The following ADAMTSL1 variants were observed in gnomAD, a reference collection of about 807,000 sequenced individuals.
ADAMTSL1 encodes the protein ADAMTS-like protein 1.
ADAMTSL1 carries 126 observed loss-of-function variants against 201.8 expected under a neutral mutation model. The observed-to-expected ratio is 0.62, with a 90% CI of 0.54 to 0.72. The LOEUF is 0.72. Ranked by LOEUF, ADAMTSL1 falls within the 30% of genes least tolerant of loss-of-function variation. The pLI, the probability that ADAMTSL1 is intolerant of heterozygous loss-of-function variation, is 0.00. For missense variants in ADAMTSL1, 2,679 were observed against 2,277.8 expected (o/e 1.18, Z -3.59); for synonymous variants, 1,121 against 903.4 (o/e 1.24, Z -4.32).
Position 18,120,276 on chromosome 9 carries a change from G to A in ADAMTSL1, c.88-43586G>A, listed in dbSNP as rs143667625. Among the ~76,000 whole-genome samples the A allele has an allele frequency of 1.4e-3, 217 of 152,342 alleles. 1 individual carries two copies. Among genetic ancestry groups the A allele is most frequent in the Non-Finnish European group, 2.4e-3 (166 of 68,032 alleles). On this transcript the variant is annotated intron_variant, in intron 1 of 29. Coordinates refer to the ADAMTSL1 transcript ENST00000680146. Reference sequence around the variant, plus strand: ...AACATGGCAGCTGGCTTGGCCCAGAGTGAGTGATTCCAGAGAGCATACAAC... The same window carrying A: ...AACATGGCAGCTGGCTTGGCCCAGAATGAGTGATTCCAGAGAGCATACAAC...
At chr9:17,991,985 T>C (rs1819171432) in intron 1 of ADAMTSL1, among the ~76,000 whole-genome samples, 1 of 152,102 alleles carries the variant, frequency 6.6e-6, no homozygotes, top group Non-Finnish European at 1.5e-5. Context: ...AGGGGCTTGG[T>C]GCTACCTCTT....
chr9:17,983,860 A>C (rs1818818789), intron 1 of ADAMTSL1, among the ~76,000 whole-genome samples: 1 of 152,190 alleles, frequency 6.6e-6, no homozygotes, highest in African/African-American at 2.4e-5. Context: ...TAAAATGTGT[A>C]TAAAAGGGGA....
intron 26 of ADAMTSL1, among the ~76,000 whole-genome samples, chr9:18,903,253 G>A (rs1563905944): frequency 1.3e-5 from 2 of 152,066 alleles, no homozygotes; most frequent in Non-Finnish European, 2.9e-5. Context: ...AAGTAGACTG[G>A]AAAATTCAAT....
chr9:18,741,843 G>A (rs1818847320), intron 15 of ADAMTSL1, among the ~76,000 whole-genome samples: 2 of 152,036 alleles, frequency 1.3e-5, no homozygotes, highest in Non-Finnish European at 2.9e-5. Flanking sequence ...TTCTTGTGTA[G>A]GGTGTTCTTC....
chr9:18,434,993 G>A (rs917440348), intron 2 of ADAMTSL1, among the ~76,000 whole-genome samples: 1 of 152,210 alleles, frequency 6.6e-6, no homozygotes, highest in African/African-American at 2.4e-5. Flanking sequence ...AACACCTGGT[G>A]CAACATCTGG....
At chr9:18,306,506 G>C (rs1686821566) in intron 2 of ADAMTSL1, among the ~76,000 whole-genome samples, 1 of 152,158 alleles carries the variant, frequency 6.6e-6, no homozygotes, top group Non-Finnish European at 1.5e-5. Flanking sequence ...AGAAATGAAT[G>C]ATGGAGCTGA....
intron 7 of ADAMTSL1, among the ~76,000 whole-genome samples, chr9:18,654,616 A>T (rs1828505584): frequency 6.6e-6 from 1 of 152,358 alleles, no homozygotes; most frequent in Middle Eastern, 3.4e-3. Context: ...TTATAGATAT[A>T]TAACTGCTAT....
At chr9:17,912,559 T>G (rs1279467453) in intron 1 of ADAMTSL1, among the ~76,000 whole-genome samples, 2 of 70,784 alleles carry the variant, frequency 2.8e-5, no homozygotes, top group African/African-American at 6.0e-5. Context: ...TAAATTTGTT[T>G]GAGTTCATTG....
chr9:18,616,070 G>C (rs1331545342), intron 4 of ADAMTSL1, among the ~76,000 whole-genome samples: 2 of 152,024 alleles, frequency 1.3e-5, no homozygotes, highest in Admixed American at 1.3e-4. Flanking sequence ...CTGTTGCCCA[G>C]GCTGGAGTGG....
At chr9:18,479,640 G>A (rs1053120187) in intron 1 of ADAMTSL1, among the ~76,000 whole-genome samples, 3 of 152,036 alleles carry the variant, frequency 2.0e-5, no homozygotes, top group Non-Finnish European at 2.9e-5. Flanking sequence ...CTGTGCCATC[G>A]CCCATCTCTT....
At chr9:18,429,190 T>C (rs1478001650) in intron 2 of ADAMTSL1, among the ~76,000 whole-genome samples, 1 of 152,204 alleles carries the variant, frequency 6.6e-6, no homozygotes, top group East Asian at 1.9e-4. Context: ...GACATATTCT[T>C]TGCCACTAGA....
At chr9:18,327,504 C>G (rs749086973) in intron 2 of ADAMTSL1, among the ~76,000 whole-genome samples, 20 of 152,198 alleles carry the variant, frequency 1.3e-4, no homozygotes, top group Non-Finnish European at 2.1e-4. Flanking sequence ...TTTTTCCCCT[C>G]TTATCTGTGC....
intron 2 of ADAMTSL1, among the ~76,000 whole-genome samples, chr9:18,516,301 C>G (rs376596446): frequency 3.9e-5 from 6 of 152,262 alleles, no homozygotes; most frequent in African/African-American, 1.2e-4. Context: ...AGAGGGTGGT[C>G]TGTCCAAATC....
chr9:18,245,928 T>A (rs1401973664), intron 2 of ADAMTSL1, among the ~76,000 whole-genome samples: 3 of 152,204 alleles, frequency 2.0e-5, no homozygotes, highest in Non-Finnish European at 4.4e-5. Context: ...TTTTGTGGTC[T>A]GAATTGAAAT....
intron 2 of ADAMTSL1, among the ~76,000 whole-genome samples, chr9:18,366,172 A>C (rs1836758611): frequency 6.6e-6 from 1 of 152,146 alleles, no homozygotes; most frequent in African/African-American, 2.4e-5. Context: ...ATGCAACGAA[A>C]CATAAACAAG....
intron 2 of ADAMTSL1, among the ~76,000 whole-genome samples, chr9:18,274,382 A>G (rs1832504814): frequency 6.6e-6 from 1 of 152,196 alleles, no homozygotes; most frequent in Non-Finnish European, 1.5e-5. Context: ...ACATGTGCAA[A>G]CTGAGCTAAT....
chr9:18,527,947 G>A (rs1044894655), intron 2 of ADAMTSL1, among the ~76,000 whole-genome samples: 9 of 152,000 alleles, frequency 5.9e-5, no homozygotes, highest in Non-Finnish European at 1.0e-4. Flanking sequence ...GTACAATCTC[G>A]GCTCACTGCA....
intron 1 of ADAMTSL1, among the ~76,000 whole-genome samples, chr9:17,940,230 T>A (rs190858814): frequency 2.6e-5 from 4 of 152,122 alleles, no homozygotes; most frequent in African/African-American, 9.7e-5. Context: ...TAATTTGTTT[T>A]TGAGATTGTA....
chr9:18,370,691 CTTT>C (rs34963506), intron 2 of ADAMTSL1, among the ~76,000 whole-genome samples: 1 of 123,422 alleles, frequency 8.1e-6, no homozygotes, highest in Non-Finnish European at 1.8e-5. Context: ...TGTAGAGCGT[CTTT>C]TTTTTTTTTT....
Sources: allele counts gnomAD v4.1 joint callset (sites outside exome capture counted in the v4.1 genomes callset), GRCh38; gene constraint gnomAD v4.1.1; transcripts MANE v1.5; gene names NCBI Gene and HGNC (gene_info 2026-07-23, HGNC 2026-07-21).